Variants in RARB observed in about 807,000 individuals in gnomAD.
The protein encoded by RARB is HBV-activated protein.
RARB carries 17 observed loss-of-function variants against 51.9 expected under a neutral mutation model. The observed-to-expected ratio is 0.33, with a 90% CI of 0.22 to 0.49. RARB has a LOEUF of 0.49. Ranked by LOEUF, RARB falls within the 20% of genes least tolerant of loss-of-function variation. The probability of loss-of-function intolerance (pLI) is 0.99; values close to 1 mark genes in which losing one functional copy is unlikely to be tolerated. For synonymous variants in RARB, 215 were observed against 195.4 expected (o/e 1.10, Z -0.84); for missense variants, 369 against 550.8 (o/e 0.67, Z 3.30).
chr3:24,913,440 G>A (rs1004664079), intron 2 of RARB, among the ~76,000 whole-genome samples: 17 of 130,360 alleles, frequency 1.3e-4, no homozygotes, highest in Admixed American at 4.4e-4. Context: ...ATCGTCTATA[G>A]TACTAATTCA....
intron 2 of RARB, among the ~76,000 whole-genome samples, chr3:24,867,562 A>G (rs1264728564): frequency 6.6e-6 from 1 of 152,072 alleles, no homozygotes; most frequent in African/African-American, 2.4e-5. Flanking sequence ...GCACCTGGAC[A>G]CCTTAAAGCC....
chr3:24,981,386 T>A (rs1696668169), intron 2 of RARB, among the ~76,000 whole-genome samples: 1 of 152,156 alleles, frequency 6.6e-6, no homozygotes, highest in African/African-American at 2.4e-5. Flanking sequence ...AGGTGGAATC[T>A]AGAGAGGCAG....
chr3:25,018,826 A>G lies in RARB; in HGVS notation c.-379-41299A>G, dbSNP rs1273852882. Among the ~76,000 whole-genome samples, 4 of 152,172 alleles carry G rather than the reference A, an allele frequency of 2.6e-5. No individual in the cohort carries two copies. In the East Asian group the frequency reaches 5.8e-4, roughly 22 times the overall value. On this transcript the variant is annotated intron_variant, in intron 2 of 11. Coordinates refer to the RARB transcript ENST00000383772. ...TCTACCTCCATTATATTGCCTTACA[A>G]TAGCAAACTTTCTGGGTGATGGATA...
At chr3:25,065,728 G>T (rs1311669199) in intron 3 of RARB, among the ~76,000 whole-genome samples, 1 of 152,192 alleles carries the variant, frequency 6.6e-6, no homozygotes, top group Non-Finnish European at 1.5e-5. Flanking sequence ...GCATGCAAAT[G>T]CTCTACACTA....
chr3:25,140,781 T>A (rs942230836), intron 4 of RARB, among the ~76,000 whole-genome samples: 2 of 152,144 alleles, frequency 1.3e-5, no homozygotes, highest in Non-Finnish European at 2.9e-5. Flanking sequence ...TTATCTTTTT[T>A]TAAGAAATTG....
rs143685108 is a variant in RARB, at chr3:25,403,676, CTG to C, written c.179-57515_179-57514del. On this transcript the variant is annotated intron_variant, in intron 5 of 11. Coordinates refer to the RARB transcript ENST00000383772. The stretch of plus-strand genomic sequence containing the variant: ...TAATACACTCTGAAGTGACAAGAGA[CTG>C]TATCTCAAACTGTATTACCATCTTA... Among the ~76,000 whole-genome samples the C allele has an allele frequency of 8.0e-3, 1,219 of 152,104 alleles. 6 individuals are homozygous for C. The highest frequency in any genetic ancestry group is 0.014 in the Non-Finnish European group (921 of 67,982).
At chr3:25,092,076 T>C (rs113523496) in intron 3 of RARB, among the ~76,000 whole-genome samples, 264 of 152,272 alleles carry the variant, frequency 1.7e-3, no homozygotes, top group African/African-American at 5.8e-3. Flanking sequence ...TTAAGAGGCA[T>C]CTTTCCTAGA....
At chr3:24,834,557 C>T (rs1418292559) in intron 1 of RARB, among the ~76,000 whole-genome samples, 4 of 152,132 alleles carry the variant, frequency 2.6e-5, no homozygotes, top group Admixed American at 2.6e-4. Context: ...TGAGCATAAC[C>T]GGCATCCTTG....
At chr3:25,098,248 C>T (rs1054508202) in intron 3 of RARB, among the ~76,000 whole-genome samples, 2 of 152,070 alleles carry the variant, frequency 1.3e-5, no homozygotes, top group African/African-American at 2.4e-5. Flanking sequence ...AGTTGATATT[C>T]TAGGACAGGA....
intron 4 of RARB, among the ~76,000 whole-genome samples, chr3:25,150,198 C>G (rs1483182647): frequency 1.3e-5 from 1 of 77,826 alleles, no homozygotes; most frequent in Admixed American, 1.5e-4. Context: ...AAGGCTCTGT[C>G]TCAAAAAAAA....
chr3:25,341,778 A>G (rs1052816503), intron 5 of RARB, among the ~76,000 whole-genome samples: 18 of 152,136 alleles, frequency 1.2e-4, no homozygotes, highest in African/African-American at 4.1e-4. Context: ...ACAGCCCCCC[A>G]TAACAAAGAA....
chr3:25,331,708 A>T (rs1038661100), intron 5 of RARB, among the ~76,000 whole-genome samples: 1 of 152,168 alleles, frequency 6.6e-6, no homozygotes, highest in Non-Finnish European at 1.5e-5. Flanking sequence ...GACACAAAAA[A>T]CCCTTCAAAA....
At chr3:25,103,045 C>T (rs1699434096) in intron 3 of RARB, among the ~76,000 whole-genome samples, 1 of 152,070 alleles carries the variant, frequency 6.6e-6, no homozygotes. Context: ...GAAGAGGACT[C>T]CTCTAGGATT....
chr3:25,459,220 G>T (rs1013612496), intron 1 of RARB, among the ~76,000 whole-genome samples: 1 of 152,218 alleles, frequency 6.6e-6, no homozygotes. Flanking sequence ...GGTAGCATTT[G>T]CTTTGTGATC....
In RARB at chr3:25,191,312, T is replaced by C. The variant is rs149852618; in HGVS notation, c.178+16737T>C. On this transcript the variant is annotated intron_variant, in intron 5 of 11. Coordinates refer to the RARB transcript ENST00000383772. ...GAAAGCTCCCCTTAGAATCCATCTT[T>C]ACTTCCTCTGGGCCCTTAACACATG... Among the ~76,000 whole-genome samples, 31 of 152,254 alleles carry C rather than the reference T, an allele frequency of 2.0e-4. No homozygotes were observed. In the East Asian group the frequency reaches 5.8e-3, roughly 29 times the overall value.
intron 2 of RARB, among the ~76,000 whole-genome samples, chr3:24,931,748 G>A (rs1695444893): frequency 6.6e-6 from 1 of 152,046 alleles, no homozygotes; most frequent in Admixed American, 6.6e-5. Flanking sequence ...GATATGAATG[G>A]TGTCCCTTAG....
intron 4 of RARB, among the ~76,000 whole-genome samples, chr3:25,155,811 C>T (rs1378008851): frequency 6.6e-6 from 1 of 152,178 alleles, no homozygotes; most frequent in African/African-American, 2.4e-5. Context: ...GCTACCCCAG[C>T]CCATCTGCAA....
At chr3:25,549,370 G>C (rs1399655447) in intron 3 of RARB, among the ~76,000 whole-genome samples, 2 of 152,094 alleles carry the variant, frequency 1.3e-5, no homozygotes, top group Non-Finnish European at 2.9e-5. Flanking sequence ...AGAAGTAATT[G>C]ATGGGCCAGT....
intron 4 of RARB, among the ~76,000 whole-genome samples, chr3:25,139,444 C>G (rs1005373800): frequency 2.0e-5 from 3 of 152,148 alleles, no homozygotes; most frequent in Non-Finnish European, 4.4e-5. Flanking sequence ...GATAGAAGAT[C>G]AAACCAGTCA....
Sources: gnomAD v4.1 joint callset for allele counts (sites outside exome capture counted in the v4.1 genomes callset) on GRCh38, gnomAD v4.1.1 for gene constraint, MANE v1.5 for transcripts, NCBI Gene and HGNC (gene_info 2026-07-23, HGNC 2026-07-21) for gene names.